Variants in KIF26B observed in about 807,000 individuals in gnomAD.
The protein encoded by KIF26B is kinesin-like protein KIF26B.
Under a neutral mutation model 151.2 loss-of-function variants are expected in KIF26B, and 63 were observed. The ratio of observed to expected loss-of-function variants is 0.42; its 90% CI spans 0.34 to 0.51. The LOEUF is 0.51. Ranked by LOEUF, KIF26B falls within the 20% of genes least tolerant of loss-of-function variation. The probability of loss-of-function intolerance (pLI) is 0.07; values close to 1 mark genes in which losing one functional copy is unlikely to be tolerated. For missense variants in KIF26B, 2,813 were observed against 2,913.6 expected (o/e 0.97, Z 0.79); for synonymous variants, 1,357 against 1,262.1 (o/e 1.08, Z -1.59).
intron 5 of KIF26B, among the ~76,000 whole-genome samples, chr1:245,543,323 A>G (rs549896309): frequency 1.3e-5 from 2 of 152,370 alleles, no homozygotes; most frequent in African/African-American, 4.8e-5. Context: ...TACCATATGT[A>G]GTGACCACAG....
chr1:245,702,872 A>G lies in KIF26B; in HGVS notation c.*266A>G. 2.5e-6 allele frequency: 1 copy of G among 394,216 alleles called. No individual in the cohort carries two copies. The highest frequency in any genetic ancestry group is 2.0e-5 in the African/African-American group (1 of 49,834). The allele number at this position is 394,216 out of a possible 1,614,324, so 24.4% of individuals were successfully genotyped here. On this transcript the variant is annotated 3_prime_UTR_variant, in exon 15 of 15. Transcript: ENST00000407071. The surrounding 1 kb of genome is among the most constrained non-coding windows in gnomAD (Gnocchi z 4.1). ...TGAGACTGAAAAAGCACTTTGAGGAACCTTAAAGACCTTGTTTGTACATAA... is the reference window on the plus strand; with the variant it reads ...TGAGACTGAAAAAGCACTTTGAGGAGCCTTAAAGACCTTGTTTGTACATAA...
intron 9 of KIF26B, among the ~76,000 whole-genome samples, chr1:245,624,209 G>A (rs1168674889): frequency 1.3e-5 from 2 of 151,336 alleles, no homozygotes; most frequent in Non-Finnish European, 2.9e-5. Context: ...ATATATATAT[G>A]GACATATATT....
chr1:245,551,356 T>G (rs1490420458), intron 5 of KIF26B, among the ~76,000 whole-genome samples: 3 of 152,228 alleles, frequency 2.0e-5, no homozygotes, highest in African/African-American at 7.2e-5. Flanking sequence ...TTTAAACATT[T>G]TAAGAAAATA....
intron 5 of KIF26B, among the ~76,000 whole-genome samples, chr1:245,586,158 A>AGTGT (rs10526699): frequency 0.086 from 12,153 of 141,996 alleles, 524 homozygotes; most frequent in Middle Eastern, 0.12. Flanking sequence ...CACCATGACC[A>AGTGT]GTGTGTGTGT....
intron 2 of KIF26B, among the ~76,000 whole-genome samples, chr1:245,313,145 T>C (rs575210208): frequency 6.6e-6 from 1 of 151,952 alleles, no homozygotes; most frequent in South Asian, 2.1e-4. Context: ...GGCGACAGAG[T>C]GAGACTCCAT....
At chr1:245,426,043 AAT>A (rs1658641734) in intron 4 of KIF26B, among the ~76,000 whole-genome samples, 1 of 152,174 alleles carries the variant, frequency 6.6e-6, no homozygotes, top group African/African-American at 2.4e-5. Flanking sequence ...CTGTTTTCTT[AAT>A]ATAAACAAAT....
At chr1:245,607,943 G>T (rs140040019) in intron 7 of KIF26B, among the ~76,000 whole-genome samples, 199 bp downstream of exon 7, 156 of 152,306 alleles carry the variant, frequency 1.0e-3, no homozygotes, top group African/African-American at 3.7e-3. Flanking sequence ...ATGTAGGAAA[G>T]CCTTCAAGTC....
At chr1:245,169,330 T>TGTGTGGGTGTGTGG (rs1553330289) in intron 2 of KIF26B, among the ~76,000 whole-genome samples, 3 of 142,330 alleles carry the variant, frequency 2.1e-5, no homozygotes, top group Non-Finnish European at 4.5e-5. Flanking sequence ...CGGGCCATGG[T>TGTGTGGGTGTGTGG]GTGTGTGTGT....
intron 3 of KIF26B, among the ~76,000 whole-genome samples, chr1:245,380,989 A>T (rs542338061): frequency 1.3e-5 from 2 of 151,568 alleles, no homozygotes; most frequent in African/African-American, 4.9e-5. Context: ...TGTGTGGGCA[A>T]TGCTGCCATC....
intron 10 of KIF26B, among the ~76,000 whole-genome samples, chr1:245,649,420 G>A (rs935776173): frequency 3.3e-5 from 5 of 152,262 alleles, no homozygotes; most frequent in African/African-American, 4.8e-5. Flanking sequence ...CCTTCACTGC[G>A]CACGGCAGGG....
chr1:245,539,721 G>T (rs551374400), intron 4 of KIF26B, among the ~76,000 whole-genome samples: 5 of 152,064 alleles, frequency 3.3e-5, no homozygotes, highest in South Asian at 2.1e-4. Flanking sequence ...GGCGCTATCT[G>T]GGCTCACTGC....
intron 3 of KIF26B, among the ~76,000 whole-genome samples, chr1:245,391,252 A>G (rs1274132079): frequency 6.6e-6 from 1 of 152,196 alleles, no homozygotes; most frequent in Non-Finnish European, 1.5e-5. Context: ...TGATACCAAA[A>G]GTTTATTAAT....
chr1:245,387,835 T>G (rs1170217977), intron 3 of KIF26B, among the ~76,000 whole-genome samples: 2 of 152,154 alleles, frequency 1.3e-5, no homozygotes, highest in African/African-American at 4.8e-5. Flanking sequence ...TTGGGGAGAA[T>G]AGGAAGGCGT....
At chr1:245,310,957 G>A (rs547912835) in intron 2 of KIF26B, among the ~76,000 whole-genome samples, 20 of 152,142 alleles carry the variant, frequency 1.3e-4, no homozygotes, top group Non-Finnish European at 2.5e-4. Flanking sequence ...TGAAACTTAA[G>A]TTGTTTGACG....
intron 5 of KIF26B, among the ~76,000 whole-genome samples, chr1:245,559,946 CAT>C (rs1337802158): frequency 3.3e-5 from 5 of 152,068 alleles, no homozygotes; most frequent in African/African-American, 9.6e-5. Context: ...TGGTGCATCA[CAT>C]GTTACCGACG....
At chr1:245,395,202 T>A (rs966200440) in intron 3 of KIF26B, among the ~76,000 whole-genome samples, 1 of 152,196 alleles carries the variant, frequency 6.6e-6, no homozygotes, top group African/African-American at 2.4e-5. Flanking sequence ...TTTGAGTGCA[T>A]GTCGATGTTG....
chr1:245,437,919 T>G (rs1171653522), intron 4 of KIF26B, among the ~76,000 whole-genome samples: 2 of 152,228 alleles, frequency 1.3e-5, no homozygotes, highest in South Asian at 2.1e-4. Context: ...GTCTGAAACA[T>G]AGACTCTAAG....
intron 5 of KIF26B, among the ~76,000 whole-genome samples, chr1:245,567,576 C>T (rs2043021996): frequency 6.6e-6 from 1 of 152,160 alleles, no homozygotes; most frequent in Admixed American, 6.5e-5. Flanking sequence ...CCTCCAAAGG[C>T]ATGGGGGGAT....
chr1:245,397,359 G>A (rs1673873453), intron 3 of KIF26B, among the ~76,000 whole-genome samples: 2 of 152,072 alleles, frequency 1.3e-5, no homozygotes, highest in South Asian at 2.1e-4. Flanking sequence ...GGGATTACAG[G>A]CATGCACCAC....
Sources: allele counts gnomAD v4.1 joint callset (sites outside exome capture counted in the v4.1 genomes callset), GRCh38; gene constraint gnomAD v4.1.1; non-coding constraint Gnocchi (gnomAD v3.1); transcripts MANE v1.5; gene names NCBI Gene and HGNC (gene_info 2026-07-23, HGNC 2026-07-21).